CSMD1: variants seen among roughly 807,000 people sequenced by gnomAD.
CSMD1 encodes CUB and sushi domain-containing protein 1.
Under a neutral mutation model 417.5 loss-of-function variants are expected in CSMD1, and 213 were observed. That is an observed-to-expected ratio of 0.51 (90% confidence interval 0.46 to 0.57). The LOEUF (loss-of-function observed/expected upper bound fraction) is 0.57, where lower values mean the gene tolerates loss of function less well. Ranked by LOEUF, CSMD1 falls within the 20% of genes least tolerant of loss-of-function variation. The pLI, the probability that CSMD1 is intolerant of heterozygous loss-of-function variation, is 0.00. For missense variants in CSMD1, 6,923 were observed against 4,529.7 expected, an observed-to-expected ratio of 1.53 and a Z score of -15.17; for synonymous variants, 2,862 against 1,736.8, an observed-to-expected ratio of 1.65 and a Z score of -16.11.
chr8:4,102,414 C>G (rs1035894518), intron 3 of CSMD1, among the ~76,000 whole-genome samples: 5 of 152,176 alleles, frequency 3.3e-5, no homozygotes, highest in Admixed American at 6.5e-5. Context: ...GGAGAATATT[C>G]TCCCTGATTC....
At chr8:4,246,766 A>C (rs1016831590) in intron 3 of CSMD1, among the ~76,000 whole-genome samples, 2 of 152,210 alleles carry the variant, frequency 1.3e-5, no homozygotes, top group African/African-American at 4.8e-5. Context: ...AGGATCAAGA[A>C]GATTTTTTAA....
At chr8:3,851,130 A>G (rs1362670072) in intron 5 of CSMD1, among the ~76,000 whole-genome samples, 2 of 152,202 alleles carry the variant, frequency 1.3e-5, no homozygotes, top group Non-Finnish European at 2.9e-5. Flanking sequence ...TCCATGTAAA[A>G]TAAGATTTCT....
intron 12 of CSMD1, among the ~76,000 whole-genome samples, chr8:3,463,048 G>C (rs1375319082): frequency 6.6e-6 from 1 of 152,210 alleles, no homozygotes; most frequent in South Asian, 2.1e-4. Flanking sequence ...GTCCTCACCA[G>C]ACACCAAATC....
At chr8:4,185,333 A>G (rs904887570) in intron 3 of CSMD1, among the ~76,000 whole-genome samples, 2 of 152,076 alleles carry the variant, frequency 1.3e-5, no homozygotes, top group African/African-American at 4.8e-5. Flanking sequence ...AGGGCTCACA[A>G]TAGTTTTGTC....
chr8:4,537,814 A>T (rs994065208), intron 2 of CSMD1, among the ~76,000 whole-genome samples: 1 of 152,166 alleles, frequency 6.6e-6, no homozygotes, highest in African/African-American at 2.4e-5. Context: ...TGTTTATCCA[A>T]CAGAGCTGCG....
chr8:4,929,019 C>A (rs992836790), intron 1 of CSMD1, among the ~76,000 whole-genome samples: 14 of 152,060 alleles, frequency 9.2e-5, no homozygotes, highest in African/African-American at 3.4e-4. Context: ...TGCAGTGAGC[C>A]GAGATTGCAC....
At chr8:3,564,676 G>T (rs1799622972) in intron 10 of CSMD1, among the ~76,000 whole-genome samples, 1 of 151,986 alleles carries the variant, frequency 6.6e-6, no homozygotes, top group Non-Finnish European at 1.5e-5. Context: ...GGTGTTATAA[G>T]AAAATCAATC....
intron 8 of CSMD1, among the ~76,000 whole-genome samples, chr8:3,599,155 G>GTC (rs755682699): frequency 0.011 from 1,409 of 132,422 alleles, 10 homozygotes; most frequent in Non-Finnish European, 0.014. Flanking sequence ...GTGTGTCTGT[G>GTC]TGTGTGTCTG....
At chr8:3,802,025 G>T (rs1800484731) in intron 5 of CSMD1, among the ~76,000 whole-genome samples, 1 of 152,102 alleles carries the variant, frequency 6.6e-6, no homozygotes. Context: ...ACTGCACGAT[G>T]ATGTAAGCAT....
intron 7 of CSMD1, among the ~76,000 whole-genome samples, chr8:3,706,310 G>C (rs1245358523): frequency 2.0e-5 from 3 of 152,172 alleles, no homozygotes; most frequent in Admixed American, 6.5e-5. Context: ...GCATATACTT[G>C]CACAGCTATT....
chr8:4,750,376 G>C (rs1378555880), intron 1 of CSMD1, among the ~76,000 whole-genome samples: 2 of 152,250 alleles, frequency 1.3e-5, no homozygotes, highest in East Asian at 1.9e-4. Context: ...TTAAAAAGTA[G>C]TTTAGGGTTA....
chr8:4,432,313 A>C (rs972965514), intron 2 of CSMD1, among the ~76,000 whole-genome samples: 1 of 152,306 alleles, frequency 6.6e-6, no homozygotes, highest in African/African-American at 2.4e-5. Flanking sequence ...GAGACTAGGC[A>C]GCTTAAGTAA....
At chr8:3,425,973 T>C (rs1173890084) in intron 12 of CSMD1, among the ~76,000 whole-genome samples, 1 of 152,180 alleles carries the variant, frequency 6.6e-6, no homozygotes, top group African/African-American at 2.4e-5. Context: ...AAGTAAAATG[T>C]GTCTCTGTGA....
chr8:4,623,589 T>A (rs1409473070), intron 2 of CSMD1, among the ~76,000 whole-genome samples: 3 of 152,072 alleles, frequency 2.0e-5, no homozygotes, highest in African/African-American at 7.2e-5. Context: ...GGAACAAATG[T>A]CTATTAGAGT....
intron 41 of CSMD1, among the ~76,000 whole-genome samples, chr8:3,122,417 C>G (rs922036218): frequency 4.6e-5 from 7 of 152,128 alleles, no homozygotes; most frequent in African/African-American, 1.7e-4. Flanking sequence ...AGCACAATTG[C>G]TATTAATAAA....
chr8:4,502,447 G>T (rs1188976128), intron 2 of CSMD1, among the ~76,000 whole-genome samples: 1 of 152,130 alleles, frequency 6.6e-6, no homozygotes, highest in Non-Finnish European at 1.5e-5. Context: ...GATTATAGCT[G>T]ACGAAATAGT....
chr8:4,161,253 A>C (rs1240177361), intron 3 of CSMD1, among the ~76,000 whole-genome samples: 6 of 152,242 alleles, frequency 3.9e-5, no homozygotes, highest in Non-Finnish European at 8.8e-5. Flanking sequence ...ATCTGCATTT[A>C]CATGTGAGCC....
At chr8:3,996,143 G>C (rs958048410) in intron 5 of CSMD1, among the ~76,000 whole-genome samples, 10 of 152,066 alleles carry the variant, frequency 6.6e-5, no homozygotes, top group African/African-American at 2.4e-4. Context: ...AGCTGCCACT[G>C]ATCATAGGTT....
At chr8:3,154,458 G>A (rs1819394232) in intron 39 of CSMD1, among the ~76,000 whole-genome samples, 1 of 152,150 alleles carries the variant, frequency 6.6e-6, no homozygotes, top group South Asian at 2.1e-4. Context: ...TTTTGTAAAG[G>A]GAAAGGAGTT....
Sources: allele counts gnomAD v4.1 joint callset (sites outside exome capture counted in the v4.1 genomes callset), GRCh38; gene constraint gnomAD v4.1.1; transcripts MANE v1.5; gene names NCBI Gene and HGNC (gene_info 2026-07-23, HGNC 2026-07-21).